Variants in RBM42 observed in about 807,000 individuals in gnomAD.
RBM42 encodes RNA binding motif protein 42.
A neutral mutation model predicts 41.4 loss-of-function variants in RBM42; 21 were observed. The observed-to-expected ratio is 0.51, with a 90% CI of 0.36 to 0.73. The LOEUF (loss-of-function observed/expected upper bound fraction) is 0.73. RBM42 is among the 30% of genes least tolerant of loss of function. RBM42 has a pLI of 0.00. For synonymous variants in RBM42, 272 were observed against 271.2 expected (o/e 1.00, Z -0.03); for missense variants, 539 against 680.4 (o/e 0.79, Z 2.31).
intron 8 of RBM42, 34 bp downstream of exon 8, chr19:35,634,407 C>T (rs370778411): frequency 3.8e-5 from 58 of 1,514,244 alleles, no homozygotes; most frequent in Non-Finnish European, 4.8e-5. Flanking sequence ...AGGCGTGGCT[C>T]GGCCAAGGTC....
chr19:35,629,592 C>T lies in RBM42; in HGVS notation c.201C>T (p.Pro67=), dbSNP rs1967368920. 1.2e-6 allele frequency: 2 copies of T among 1,614,102 alleles called. No homozygotes were observed. The highest frequency in any genetic ancestry group is 3.3e-5 in the Admixed American group (2 of 60,010). Residue 67 remains proline, a synonymous_variant, in exon 2 of 10, where the codon CCC becomes CCT. Transcript: ENST00000262633. ...CTGTGCCTGCGGTGCCCACTGTCCC[C>T]ACGGTCCCCACAGTAGAAGCGATGC... is the stretch of plus-strand genomic sequence containing the variant. ...PTAVPAVPTV[P]TVPTVEAMQV...
At chr19:35,634,145 A>C in intron 7 of RBM42, 111 bp from the exon 8 acceptor site, 1 of 1,540,896 alleles carries the variant, frequency 6.5e-7, no homozygotes, top group Non-Finnish European at 8.8e-7. Flanking sequence ...CATGTGCCCC[A>C]CATCCAGAAG....
At chr19:35,633,365 A>G (rs1822006884) in intron 6 of RBM42, 113 bp downstream of exon 6, 2 of 845,156 alleles carry the variant, frequency 2.4e-6, no homozygotes, top group African/African-American at 1.7e-5. Flanking sequence ...CTGTTTCTCT[A>G]CCTTCTCACT....
Position 35,633,787 on chromosome 19 carries a change from C to G in RBM42, c.785C>G (p.Ala262Gly). 1 of 1,500,064 alleles carries G rather than the reference C, an allele frequency of 6.7e-7. No homozygotes were observed. Among genetic ancestry groups the G allele is most frequent in the South Asian group, 1.3e-5 (1 of 74,570 alleles). The allele number at this position is 1,500,064 out of a possible 1,614,324, so 92.9% of individuals were successfully genotyped here. ...GCGGCGGCGGCTGGGCTGGAGGAGG[C>G]TAGCGCGGCTGTGGCCGTGGGGGCA... The part of the protein sequence containing the change: ...VVAAAAGLEE[A>G]SAAVAVGAGG... Residue 262 changes from alanine (A) to glycine (G), a missense_variant, in exon 7 of 10, where the codon GCT becomes GGT. Ala to Gly is a moderately conservative substitution (Grantham distance 60). Around this residue, in one of 2 missense-constraint regions of RBM42, gnomAD observed 429 missense variants for 488.9 expected, o/e 0.88. Transcript: ENST00000262633.
At position 35,629,689 on chromosome 19, in the gene RBM42, G is replaced by T; in HGVS notation, c.282+16G>T. 6.2e-7 allele frequency: 1 copy of T among 1,613,568 alleles called. No homozygotes were observed. Among genetic ancestry groups the T allele is most frequent in the East Asian group, 2.2e-5 (1 of 44,876 alleles). On this transcript the variant is annotated intron_variant, in intron 2 of 9. Coordinates refer to ENST00000262633, the MANE Select transcript of RBM42 (RefSeq NM_024321.5). ...ATACCAGCAGGTACGGCTGAGCTAA[G>T]GCATGTAAGTCAGGGAACACAATGC... is the stretch of plus-strand genomic sequence containing the variant.
At chr19:35,629,472 AAAATTGGTACG>A in intron 1 of RBM42, 37 bp from the exon 2 acceptor site, 1 of 1,606,950 alleles carries the variant, frequency 6.2e-7, no homozygotes, top group African/African-American at 1.3e-5. Flanking sequence ...CCACAGTTCC[AAAATTGGTACG>A]AGGTCCTGAG....
Position 35,633,223 on chromosome 19 carries a change from G to A in RBM42, c.655G>A (p.Gly219Ser). 2.5e-6 allele frequency: 4 copies of A among 1,603,256 alleles called. No individual in the cohort carries two copies. Among genetic ancestry groups the A allele is most frequent in the Admixed American group, 1.7e-5 (1 of 58,360 alleles). ...PMARAPGPPL[G>S]SMAALRPPLE... ...GGCTCGGGCTCCAGGGCCCCCGCTG[G>A]GCTCCATGGCTGCACTGAGGCCCCC... The change falls in exon 6 of 10, where the codon GGC becomes AGC. Residue 219 changes from glycine to serine, a missense_variant. Gly to Ser is a moderately conservative substitution (Grantham distance 56). Around this residue, in one of 2 missense-constraint regions of RBM42, gnomAD observed 429 missense variants for 488.9 expected, o/e 0.88. Coordinates refer to ENST00000262633, the MANE Select transcript of RBM42 (RefSeq NM_024321.5).
At position 35,634,250 on chromosome 19, in the gene RBM42, C is replaced by G. The variant is rs1228501636; in HGVS notation, c.1018-6C>G. 1.2e-6 allele frequency: 2 copies of G among 1,613,444 alleles called. No individual in the cohort carries two copies. Among genetic ancestry groups the G allele is most frequent in the Admixed American group, 3.3e-5 (2 of 59,996 alleles). ...CCCCTTTGCACCTCTCCCCTTTCCTCTGCAGGTCCCAGAGCCCCTGGGTGA... is the reference window on the plus strand; with the variant it reads ...CCCCTTTGCACCTCTCCCCTTTCCTGTGCAGGTCCCAGAGCCCCTGGGTGA... On this transcript the variant is annotated splice_polypyrimidine_tract_variant and splice_region_variant and intron_variant, in intron 7 of 9. Transcript: ENST00000262633.
chr19:35,632,919 A>ATC lies in RBM42; in HGVS notation c.443-8_443-7dup. The stretch of plus-strand genomic sequence containing the variant: ...CCTGTCCCCCATGACACACACCCCC[A>ATC]TCTCTCTCTCCCACAGCTGTGGCCC... On this transcript the variant is annotated splice_polypyrimidine_tract_variant and intron_variant, in intron 4 of 9. Transcript: ENST00000262633. 1.6e-6 allele frequency: 2 copies of ATC among 1,217,746 alleles called. No homozygotes were observed. Among genetic ancestry groups the ATC allele is most frequent in the African/African-American group, 1.6e-5 (1 of 63,730 alleles). 75.4% of individuals were successfully genotyped at this position (1,217,746 alleles called of 1,614,324 possible). A position where few individuals can be genotyped will look rare whatever the true frequency, so the allele number is the denominator to read the frequency against.
chr19:35,635,314 CAA>C (rs80100096), intron 8 of RBM42, among the ~76,000 whole-genome samples: 19 of 71,646 alleles, frequency 2.7e-4, no homozygotes, highest in Non-Finnish European at 2.2e-4. Flanking sequence ...GACTCCATCT[CAA>C]AAAAAAAAAA....
intron 4 of RBM42, 82 bp from the exon 5 acceptor site, chr19:35,632,854 C>T: frequency 1.3e-6 from 1 of 745,102 alleles, no homozygotes; most frequent in Non-Finnish European, 2.5e-6. Flanking sequence ...AGAGTGCACA[C>T]ACACACACGC....
chr19:35,633,260 T>C lies in RBM42; in HGVS notation c.684+8T>C. ...GCACTGAGGCCCCCTCTGGTGAGTG[T>C]GAACAGGGAACTAACGGTCAGATGT... On this transcript the variant is annotated splice_region_variant and intron_variant, in intron 6 of 9. Transcript: ENST00000262633. 6.4e-7 allele frequency: 1 copy of C among 1,560,298 alleles called. No homozygotes were observed. The highest frequency in any genetic ancestry group is 8.6e-7 in the Non-Finnish European group (1 of 1,157,272).
At chr19:35,636,371 G>T (rs1967498977) in intron 8 of RBM42, among the ~76,000 whole-genome samples, 1 of 152,030 alleles carries the variant, frequency 6.6e-6, no homozygotes, top group African/African-American at 2.4e-5. Flanking sequence ...TGTTGGTCAG[G>T]CTGGTCTTGA....
chr19:35,629,129 A>G lies in RBM42; in HGVS notation c.-25A>G. The G allele has an allele frequency of 6.6e-7, 1 of 1,519,648 alleles. No homozygotes were observed. Among genetic ancestry groups the G allele is most frequent in the Non-Finnish European group, 8.8e-7 (1 of 1,137,588 alleles). The allele number at this position is 1,519,648 out of a possible 1,614,324, so 94.1% of individuals were successfully genotyped here. On this transcript the variant is annotated 5_prime_UTR_variant, in exon 1 of 10. Transcript: ENST00000262633. ...GCGGCGGCTAAGCAGAGACTGTAGT[A>G]GCGGCGACAGCGACGACGGCAGCGA...
At chr19:35,632,868 C>G in intron 4 of RBM42, 68 bp from the exon 5 acceptor site, 1 of 767,478 alleles carries the variant, frequency 1.3e-6, no homozygotes, top group Non-Finnish European at 2.4e-6. Context: ...CACACGCATG[C>G]ACACACACAC....
Position 35,633,848 on chromosome 19 carries a change from C to T in RBM42, c.846C>T (p.Pro282=). Residue 282 remains proline (P), a synonymous_variant, in exon 7 of 10, where the codon CCC becomes CCT. Coordinates refer to ENST00000262633, the MANE Select transcript of RBM42 (RefSeq NM_024321.5). Reference sequence around the variant, plus strand: ...CAGCTGGCCCTGCAGTCATTGGGCCCAGCCTGCCGCTGGCCCTGGCCATGC... The same window carrying T: ...CAGCTGGCCCTGCAGTCATTGGGCCTAGCCTGCCGCTGGCCCTGGCCATGC... ...GAPAGPAVIG[P]SLPLALAMPL... is the part of the protein sequence containing the mutation. The T allele has an allele frequency of 6.4e-7, 1 of 1,567,472 alleles. No individual in the cohort carries two copies. Among genetic ancestry groups the T allele is most frequent in the Non-Finnish European group, 8.6e-7 (1 of 1,161,084 alleles).
At chr19:35,631,250 G>A (rs751506197) in intron 3 of RBM42, 26 bp downstream of exon 3, 67 of 1,612,958 alleles carry the variant, frequency 4.2e-5, no homozygotes, top group Non-Finnish European at 5.1e-5. Flanking sequence ...CAAGGTGAGG[G>A]GGTTGGGCAA....
At chr19:35,636,244 C>T (rs1302192297) in intron 8 of RBM42, among the ~76,000 whole-genome samples, 2 of 151,664 alleles carry the variant, frequency 1.3e-5, no homozygotes, top group South Asian at 2.1e-4. Context: ...CTGCAGCCTC[C>T]GCCTCCTGGG....
rs912599969 is a variant in RBM42, at chr19:35,629,389, G to T, written c.128+108G>T. 2.0e-6 allele frequency: 3 copies of T among 1,524,430 alleles called. No individual in the cohort carries two copies. In the African/African-American group the frequency reaches 4.1e-5, roughly 21 times the overall value. 94.4% of individuals were successfully genotyped at this position (1,524,430 alleles called of 1,614,324 possible). ...GGAGATACGGCTCTAACATGGGGAA[G>T]TGGGACCTTCGGGATTGTGGGGGCG... On this transcript the variant is annotated intron_variant, in intron 1 of 9. Transcript: ENST00000262633.
Sources: gnomAD v4.1 joint callset for allele counts (sites outside exome capture counted in the v4.1 genomes callset) on GRCh38, gnomAD v4.1.1 for gene constraint, gnomAD v4.1.1 regional missense constraint, MANE v1.5 for transcripts, NCBI Gene and HGNC (gene_info 2026-07-23, HGNC 2026-07-21) for gene names.